PPP2CB: variants seen among roughly 807,000 people sequenced by gnomAD.
PPP2CB encodes the protein serine/threonine-protein phosphatase 2A catalytic subunit beta isoform.
In PPP2CB, 18 loss-of-function variants were observed where a neutral mutation model predicts 39.1. That is an observed-to-expected ratio of 0.46 (90% CI 0.32 to 0.68). The LOEUF is 0.68. Among genes scored for constraint, PPP2CB ranks in the 30% least tolerant of loss-of-function variants. The pLI is 0.04. For synonymous variants in PPP2CB, 129 were observed against 133.8 expected (o/e 0.96, Z 0.25); for missense variants, 226 against 396.9 (o/e 0.57, Z 3.66).
At chr8:30,798,804 G>A (rs1055489268) in intron 2 of PPP2CB, among the ~76,000 whole-genome samples, 1 of 152,202 alleles carries the variant, frequency 6.6e-6, no homozygotes, top group Admixed American at 6.5e-5. Context: ...GTAATTTAGA[G>A]CAGAAGGAAT....
chr8:30,802,575 G>A (rs890590836), intron 1 of PPP2CB, among the ~76,000 whole-genome samples: 2 of 151,994 alleles, frequency 1.3e-5, no homozygotes, highest in Non-Finnish European at 2.9e-5. Flanking sequence ...CAAACTCCTG[G>A]GCTCAAGCAG....
intron 1 of PPP2CB, among the ~76,000 whole-genome samples, chr8:30,810,728 T>C (rs1465039951): frequency 1.3e-5 from 2 of 152,238 alleles, no homozygotes; most frequent in Non-Finnish European, 2.9e-5. Context: ...TACCACTTGC[T>C]TGGCACTTCT....
At chr8:30,808,922 CTTTTT>C (rs34287210) in intron 1 of PPP2CB, among the ~76,000 whole-genome samples, 3 of 116,766 alleles carry the variant, frequency 2.6e-5, no homozygotes, top group African/African-American at 3.8e-5. Flanking sequence ...TTTACATGGC[CTTTTT>C]TTTTTTTTTT....
chr8:30,787,200 A>G (rs754903497), intron 6 of PPP2CB, among the ~76,000 whole-genome samples: 8 of 152,156 alleles, frequency 5.3e-5, no homozygotes, highest in Non-Finnish European at 8.8e-5. Flanking sequence ...GGAAAATTTT[A>G]TATCTGTATT....
rs186557468 is a variant in PPP2CB at position 30,789,578 on chromosome 8, G to A, written c.857+1619C>T. ...ATCTTCATACTGCACTCAGTCCAGA[G>A]AGGGTATAACCTTGGGCATGCACAT... On this transcript the variant is annotated intron_variant, in intron 6 of 6. Coordinates refer to ENST00000221138, the MANE Select transcript of PPP2CB (RefSeq NM_001009552.2). Among the ~76,000 whole-genome samples the A allele has an allele frequency of 4.6e-5, 7 of 152,328 alleles. No individual in the cohort carries two copies. In the East Asian group the frequency reaches 1.4e-3, roughly 29 times the overall value.
chr8:30,789,328 C>T (rs982648477), intron 6 of PPP2CB, among the ~76,000 whole-genome samples: 1 of 152,204 alleles, frequency 6.6e-6, no homozygotes, highest in African/African-American at 2.4e-5. Context: ...CCGTGCCTGA[C>T]CGTTTTTACT....
intron 2 of PPP2CB, among the ~76,000 whole-genome samples, chr8:30,798,023 C>T (rs992119854): frequency 6.6e-5 from 10 of 152,280 alleles, no homozygotes; most frequent in African/African-American, 2.4e-4. Context: ...CTATAATAAA[C>T]TTGTATCTGA....
At chr8:30,794,637 G>A (rs1231446583) in intron 3 of PPP2CB, 2 of 248,084 alleles carry the variant, frequency 8.1e-6, no homozygotes, top group Non-Finnish European at 1.6e-5. Flanking sequence ...TGCTGCTGAG[G>A]ATGGAGAGCA....
At chr8:30,811,244 A>ATC (rs1241398076) in intron 1 of PPP2CB, among the ~76,000 whole-genome samples, 1 of 152,200 alleles carries the variant, frequency 6.6e-6, no homozygotes, top group African/African-American at 2.4e-5. Context: ...CTTTATATAT[A>ATC]TTAAAAACAA....
At chr8:30,805,422 T>A (rs1287498439) in intron 1 of PPP2CB, among the ~76,000 whole-genome samples, 1 of 151,330 alleles carries the variant, frequency 6.6e-6, no homozygotes, top group Non-Finnish European at 1.5e-5. Context: ...TAGCCGGGAG[T>A]GGTGGCAGGC....
intron 1 of PPP2CB, among the ~76,000 whole-genome samples, chr8:30,808,922 CTTTTTTTTT>C (rs34287210): frequency 1.7e-5 from 2 of 116,768 alleles, no homozygotes; most frequent in African/African-American, 7.7e-5. Flanking sequence ...TTTACATGGC[CTTTTTTTTT>C]TTTTTTTTTT....
At chr8:30,791,507 G>C in intron 5 of PPP2CB, 192 bp from the exon 6 acceptor site, 1 of 479,904 alleles carries the variant, frequency 2.1e-6, no homozygotes, top group South Asian at 3.3e-5. Flanking sequence ...GTGGGCCTAG[G>C]AGTCTGTTAA....
rs1296593420 is a variant in PPP2CB, at chr8:30,791,308, T to C, written c.746A>G (p.Asn249Ser). 5 of 1,599,796 alleles carry C rather than the reference T, an allele frequency of 3.1e-6. No individual in the cohort carries two copies. Among genetic ancestry groups the C allele is most frequent in the Non-Finnish European group, 3.4e-6 (4 of 1,169,808 alleles). Residue 249 changes from asparagine (N) to serine (S), a missense_variant, in exon 6 of 7, where the codon AAT becomes AGT. Asn to Ser is a conservative substitution (Grantham distance 46). This residue lies in a region of PPP2CB where 56 missense variants were observed against 92.0 expected (regional missense o/e 0.61). Coordinates refer to ENST00000221138, the MANE Select transcript of PPP2CB (RefSeq NM_001009552.2). ...AACCACATTCCGATCATGACACCAA[T>C]TGTATCCCTGCAGGATAAAAACAAA... The part of the protein sequence containing the change: ...RAHQLVMEGY[N>S]WCHDRNVVTI...
chr8:30,788,190 T>G (rs2128760048), intron 6 of PPP2CB, among the ~76,000 whole-genome samples: 1 of 152,316 alleles, frequency 6.6e-6, no homozygotes, highest in Non-Finnish European at 1.5e-5. Context: ...TACATCAGGT[T>G]TAGTTTACTC....
At chr8:30,803,790 T>TTTCAAAGAA in intron 1 of PPP2CB, among the ~76,000 whole-genome samples, 1 of 109,644 alleles carries the variant, frequency 9.1e-6, no homozygotes, top group East Asian at 2.2e-4. Context: ...TTTTGGAGAA[T>TTTCAAAGAA]TTATACAACC....
At chr8:30,811,608 G>A (rs1430958167) in intron 1 of PPP2CB, among the ~76,000 whole-genome samples, 2 of 146,738 alleles carry the variant, frequency 1.4e-5, no homozygotes, top group African/African-American at 5.1e-5. Context: ...CGATCCTCCC[G>A]CCTCAGCCTC....
intron 5 of PPP2CB, among the ~76,000 whole-genome samples, chr8:30,792,410 T>C (rs1297210050): frequency 6.6e-6 from 1 of 151,780 alleles, no homozygotes; most frequent in Non-Finnish European, 1.5e-5. Flanking sequence ...TATACCATTT[T>C]CCAACTCTTA....
chr8:30,791,933 T>C lies in PPP2CB; in HGVS notation c.739-618A>G, dbSNP rs574523414. Among the ~76,000 whole-genome samples the C allele has an allele frequency of 6.3e-4, 95 of 151,348 alleles. 3 individuals are homozygous for C. The South Asian group carries it at 0.019, about 30-fold the overall frequency. On this transcript the variant is annotated intron_variant, in intron 5 of 6. Coordinates refer to ENST00000221138, the MANE Select transcript of PPP2CB (RefSeq NM_001009552.2). ...GTATATACATACACGTATATATGTA[T>C]GTATACATGTATGTGTGCGCATATA...
chr8:30,798,643 C>T (rs1806564728), intron 2 of PPP2CB, among the ~76,000 whole-genome samples: 1 of 152,168 alleles, frequency 6.6e-6, no homozygotes, highest in African/African-American at 2.4e-5. Context: ...GAATGTATGC[C>T]TGCAGTTAAG....
Sources: gnomAD v4.1 joint callset for allele counts (sites outside exome capture counted in the v4.1 genomes callset) on GRCh38, gnomAD v4.1.1 for gene constraint, gnomAD v4.1.1 regional missense constraint, MANE v1.5 for transcripts, NCBI Gene and HGNC (gene_info 2026-07-23, HGNC 2026-07-21) for gene names.